THSD4: variants seen among roughly 807,000 people sequenced by gnomAD.
THSD4 encodes thrombospondin type 1 domain containing 4.
A neutral mutation model predicts 119.0 loss-of-function variants in THSD4; 69 were observed. The ratio of observed to expected loss-of-function variants is 0.58; its 90% CI spans 0.48 to 0.71. The LOEUF (loss-of-function observed/expected upper bound fraction) is 0.71, where lower values mean the gene tolerates loss of function less well. Ranked by LOEUF, THSD4 falls within the 30% of genes least tolerant of loss-of-function variation. The pLI is 0.00. For missense variants in THSD4, 1,393 were observed against 1,391.1 expected (o/e 1.00, Z -0.02); for synonymous variants, 524 against 540.4 (o/e 0.97, Z 0.42).
intron 7 of THSD4, among the ~76,000 whole-genome samples, chr15:71,514,505 G>A (rs974774847): frequency 3.9e-5 from 6 of 152,168 alleles, no homozygotes; most frequent in African/African-American, 1.4e-4. Flanking sequence ...ATCAATTCTT[G>A]TGTGTTTGGC....
chr15:71,677,091 C>T (rs927809804), intron 8 of THSD4, among the ~76,000 whole-genome samples: 3 of 152,206 alleles, frequency 2.0e-5, no homozygotes, highest in Non-Finnish European at 4.4e-5. Context: ...TCCACATTCT[C>T]GCCAACACTT....
At chr15:71,213,087 T>C (rs1250920017) in intron 3 of THSD4, among the ~76,000 whole-genome samples, 1 of 152,230 alleles carries the variant, frequency 6.6e-6, no homozygotes, top group African/African-American at 2.4e-5. Flanking sequence ...CTCTTGAAAT[T>C]CTGAAGATCA....
chr15:71,256,640 C>A lies in THSD4; in HGVS notation c.940C>A (p.Arg314=). Residue 314 remains arginine, a synonymous_variant, in exon 6 of 18, where the codon CGG becomes AGG. Transcript: ENST00000261862. ...ATGTCCAGAAAGCAGTAGAAGTATC[C>A]GGGAGGTACAGTGTGCATCCTACAA... ...NVCPESSRSI[R]EVQCASYNNK... 6.2e-7 allele frequency: 1 copy of A among 1,613,744 alleles called. No individual in the cohort carries two copies. Among genetic ancestry groups the A allele is most frequent in the South Asian group, 1.1e-5 (1 of 91,014 alleles).
At chr15:71,212,621 A>C (rs924628536) in intron 3 of THSD4, among the ~76,000 whole-genome samples, 4 of 152,176 alleles carry the variant, frequency 2.6e-5, no homozygotes, top group African/African-American at 9.7e-5. Context: ...AAGTGGTTTT[A>C]TTTCTTCTCA....
At chr15:71,266,026 C>G (rs930098622) in intron 6 of THSD4, among the ~76,000 whole-genome samples, 1 of 152,172 alleles carries the variant, frequency 6.6e-6, no homozygotes, top group Non-Finnish European at 1.5e-5. Context: ...CGGATGTGAG[C>G]GCAGCTTCAG....
intron 7 of THSD4, among the ~76,000 whole-genome samples, chr15:71,426,062 G>A (rs1222195821): frequency 1.3e-5 from 2 of 152,110 alleles, no homozygotes; most frequent in African/African-American, 4.8e-5. Flanking sequence ...GAAAGAAGCC[G>A]CCTTCTGGCT....
chr15:71,780,869 C>T lies in THSD4; in HGVS notation c.*3495C>T, dbSNP rs1374995841. 5 of 448,512 alleles carry T rather than the reference C, an allele frequency of 1.1e-5. No homozygotes were observed. The highest frequency in any genetic ancestry group is 4.0e-5 in the African/African-American group (2 of 49,384). The allele number at this position is 448,512 out of a possible 1,614,324, so 27.8% of individuals were successfully genotyped here. ...ACAAAGGGACAGAAAAGAGAAGACACGAGCTTGGTGTATTTTCATCAAGTT... is the reference window on the plus strand; with the variant it reads ...ACAAAGGGACAGAAAAGAGAAGACATGAGCTTGGTGTATTTTCATCAAGTT... On this transcript the variant is annotated 3_prime_UTR_variant, in exon 18 of 18. Coordinates refer to ENST00000261862, the MANE Select transcript of THSD4 (RefSeq NM_024817.3).
chr15:71,533,153 G>A (rs2048640950), intron 7 of THSD4, among the ~76,000 whole-genome samples: 1 of 152,136 alleles, frequency 6.6e-6, no homozygotes, highest in African/African-American at 2.4e-5. Flanking sequence ...TTGCCCGTGG[G>A]GCAAATCCCC....
intron 7 of THSD4, among the ~76,000 whole-genome samples, chr15:71,642,216 G>T (rs1403690113): frequency 6.6e-6 from 1 of 152,198 alleles, no homozygotes; most frequent in African/African-American, 2.4e-5. Flanking sequence ...CAGGCACCCA[G>T]GAGATCATCT....
intron 5 of THSD4, among the ~76,000 whole-genome samples, chr15:71,246,297 A>C (rs555131881): frequency 6.6e-6 from 1 of 152,194 alleles, no homozygotes; most frequent in African/African-American, 2.4e-5. Context: ...ACCCCCCTTT[A>C]GATAGGAATG....
intron 6 of THSD4, among the ~76,000 whole-genome samples, chr15:71,400,702 CAT>C (rs2046518493): frequency 6.6e-6 from 1 of 152,152 alleles, no homozygotes; most frequent in African/African-American, 2.4e-5. Context: ...ATTGTATCCA[CAT>C]GTTTCTAATT....
intron 7 of THSD4, among the ~76,000 whole-genome samples, chr15:71,460,305 GTTTTTTTT>G (rs563476190): frequency 8.2e-6 from 1 of 122,580 alleles, no homozygotes; most frequent in African/African-American, 3.0e-5. Flanking sequence ...AAGTTGCCTG[GTTTTTTTT>G]TTTTTTTTTT....
At chr15:71,552,608 T>C (rs1019784336) in intron 7 of THSD4, among the ~76,000 whole-genome samples, 1 of 152,224 alleles carries the variant, frequency 6.6e-6, no homozygotes, top group African/African-American at 2.4e-5. Flanking sequence ...GGTCAATCAC[T>C]TGGGTGAAAA....
intron 7 of THSD4, among the ~76,000 whole-genome samples, chr15:71,529,922 T>C (rs1313601261): frequency 2.6e-5 from 4 of 152,336 alleles, no homozygotes; most frequent in Middle Eastern, 3.4e-3. Flanking sequence ...TGTTGGGATA[T>C]GCTCGGGAGT....
chr15:71,236,323 G>A (rs1290829848), intron 4 of THSD4, among the ~76,000 whole-genome samples: 3 of 152,222 alleles, frequency 2.0e-5, no homozygotes, highest in Admixed American at 2.0e-4. Flanking sequence ...CTTTGCCTGG[G>A]TGGCTTTCCA....
chr15:71,714,255 C>T (rs942973872), intron 8 of THSD4, among the ~76,000 whole-genome samples: 14 of 151,928 alleles, frequency 9.2e-5, no homozygotes, highest in South Asian at 4.2e-4. Context: ...CAAAGATGTG[C>T]GGTGGGTGTT....
At chr15:71,605,398 A>T (rs2050090084) in intron 7 of THSD4, among the ~76,000 whole-genome samples, 1 of 152,232 alleles carries the variant, frequency 6.6e-6, no homozygotes, top group Non-Finnish European at 1.5e-5. Context: ...GGAGCCCCTG[A>T]GGGGTTTCAC....
chr15:71,547,597 C>CCTG, intron 7 of THSD4: 2 of 1,168,060 alleles, frequency 1.7e-6, no homozygotes, highest in Non-Finnish European at 1.2e-6. Flanking sequence ...AAGAGTAATG[C>CCTG]TTTATATTAC....
intron 6 of THSD4, among the ~76,000 whole-genome samples, chr15:71,384,915 C>T (rs1308598073): frequency 6.6e-6 from 1 of 152,174 alleles, no homozygotes; most frequent in Non-Finnish European, 1.5e-5. Context: ...CTCAGATCCC[C>T]TTAACCAGCT....
Sources: allele counts gnomAD v4.1 joint callset (sites outside exome capture counted in the v4.1 genomes callset), GRCh38; gene constraint gnomAD v4.1.1; transcripts MANE v1.5; gene names NCBI Gene and HGNC (gene_info 2026-07-23, HGNC 2026-07-21).